KCNN2: variants seen among roughly 807,000 people sequenced by gnomAD.
KCNN2 encodes the protein small conductance calcium-activated potassium channel protein 2.
In KCNN2, 24 loss-of-function variants were observed where a neutral mutation model predicts 55.5. The ratio of observed to expected loss-of-function variants is 0.43; its 90% CI spans 0.31 to 0.61. KCNN2 has a LOEUF of 0.61. Ranked by LOEUF, KCNN2 falls within the 20% of genes least tolerant of loss-of-function variation. The probability of loss-of-function intolerance (pLI) is 0.08; values close to 1 mark genes in which losing one functional copy is unlikely to be tolerated. For missense variants in KCNN2, 754 were observed against 853.6 expected (o/e 0.88, Z 1.45); for synonymous variants, 431 against 336.1 (o/e 1.28, Z -3.09).
intron 2 of KCNN2, among the ~76,000 whole-genome samples, chr5:114,374,863 A>G (rs1757886017): frequency 6.6e-6 from 1 of 152,168 alleles, no homozygotes. Context: ...CTGATTATGT[A>G]GCTATCCGTA....
intron 1 of KCNN2, among the ~76,000 whole-genome samples, chr5:114,090,804 A>G (rs1025700196): frequency 6.6e-6 from 1 of 151,958 alleles, no homozygotes; most frequent in Non-Finnish European, 1.5e-5. Context: ...TTCTTCCAAT[A>G]CCAGTAGCCA....
At chr5:114,080,173 T>C (rs1402000838) in intron 1 of KCNN2, among the ~76,000 whole-genome samples, 1 of 152,206 alleles carries the variant, frequency 6.6e-6, no homozygotes, top group African/African-American at 2.4e-5. Context: ...ACTCTAAGCA[T>C]GAATATTCTA....
In KCNN2 at chr5:114,096,594, C is replaced by T. The variant is rs180903246; in HGVS notation, c.-271+40094C>T. 6.6e-5 allele frequency among the ~76,000 whole-genome samples: 10 copies of T among 152,232 alleles called. No individual in the cohort carries two copies. The East Asian group carries it at 1.9e-3, about 30-fold the overall frequency. Reference sequence around the variant, plus strand: ...GGCCTGGATTTGAAGTTCTTACTCACCTCCCACAGATGTGGGAAATCTCAC... The same window carrying T: ...GGCCTGGATTTGAAGTTCTTACTCATCTCCCACAGATGTGGGAAATCTCAC... On this transcript the variant is annotated intron_variant, in intron 1 of 10. Transcript: ENST00000512097.
At chr5:114,056,212 C>G (rs578097864) in exon 1 of KCNN2, 1 of 395,268 alleles carries the variant, frequency 2.5e-6, no homozygotes, top group African/African-American at 2.1e-5. Context: ...CGCCCGCGCC[C>G]GCGCCCCGGA....
intron 3 of KCNN2, among the ~76,000 whole-genome samples, chr5:114,422,481 C>G (rs1759499587): frequency 6.6e-6 from 1 of 152,112 alleles, no homozygotes; most frequent in South Asian, 2.1e-4. Flanking sequence ...GCCTTGAGAA[C>G]TGTGAGAAAT....
intron 2 of KCNN2, among the ~76,000 whole-genome samples, chr5:114,288,503 C>CGT (rs1755807279): frequency 1.3e-5 from 2 of 149,360 alleles, no homozygotes; most frequent in African/African-American, 5.0e-5. Context: ...TATATATACA[C>CGT]ACACACACAC....
intron 3 of KCNN2, among the ~76,000 whole-genome samples, chr5:114,461,188 A>G (rs1307372787): frequency 2.6e-5 from 4 of 152,152 alleles, no homozygotes; most frequent in Admixed American, 2.0e-4. Flanking sequence ...CTGATCACAT[A>G]GCATCTTCCT....
intron 1 of KCNN2, among the ~76,000 whole-genome samples, chr5:114,202,585 A>ATATTTTT (rs1430105677): frequency 7.6e-5 from 7 of 92,148 alleles, no homozygotes; most frequent in Admixed American, 1.6e-4. Flanking sequence ...ATATATATAT[A>ATATTTTT]TTTTTTTTTT....
intron 1 of KCNN2, among the ~76,000 whole-genome samples, chr5:114,095,849 C>T (rs1443564543): frequency 6.6e-6 from 1 of 152,008 alleles, no homozygotes; most frequent in East Asian, 1.9e-4. Flanking sequence ...TATGCACCTG[C>T]TGTATCCTTT....
At chr5:114,183,398 G>A (rs1388200545) in intron 1 of KCNN2, among the ~76,000 whole-genome samples, 2 of 151,950 alleles carry the variant, frequency 1.3e-5, no homozygotes, top group African/African-American at 4.8e-5. Flanking sequence ...CCACTTTCCT[G>A]TTTTATGAGA....
At chr5:114,174,572 G>C (rs1026028508) in intron 1 of KCNN2, among the ~76,000 whole-genome samples, 14 of 152,118 alleles carry the variant, frequency 9.2e-5, no homozygotes, top group African/African-American at 3.1e-4. Context: ...AATTTATTCT[G>C]TGTTGCATGT....
At position 114,122,389 on chromosome 5, in the gene KCNN2, G is replaced by T. The variant is rs1435437265; in HGVS notation, c.-271+65889G>T. Among the ~76,000 whole-genome samples, 3 of 152,256 alleles carry T rather than the reference G, an allele frequency of 2.0e-5. No homozygotes were observed. In the East Asian group the frequency reaches 5.8e-4, roughly 29 times the overall value. On this transcript the variant is annotated intron_variant, in intron 1 of 10. Coordinates refer to the KCNN2 transcript ENST00000512097. ...GGAAGAGATGGTGCTTTAACACTAA[G>T]AAGAATCTTCATATGCACTGATTGG...
At chr5:114,372,699 ATTAT>A (rs1757799374) in intron 2 of KCNN2, among the ~76,000 whole-genome samples, 1 of 152,084 alleles carries the variant, frequency 6.6e-6, no homozygotes. Context: ...AGTGATGACT[ATTAT>A]TTATGTTACC....
rs35534460 is a variant in KCNN2 at position 114,315,465 on chromosome 5, GTATATA to G, written c.-184-45473_-184-45468del. On this transcript the variant is annotated intron_variant, in intron 2 of 10. Coordinates refer to the KCNN2 transcript ENST00000512097. ...TGTGTGTGTGTGTGTGTGTGTGTGT[GTATATA>G]TATATAAAACTTCTGTTTTAAAAGT... is the stretch of plus-strand genomic sequence containing the variant. Among the ~76,000 whole-genome samples, 83 of 68,194 alleles carry G rather than the reference GTATATA, an allele frequency of 1.2e-3. No individual in the cohort carries two copies. In the East Asian group the frequency reaches 0.021, roughly 17 times the overall value. 44.7% of individuals were successfully genotyped at this position (68,194 alleles called of 152,430 possible).
intron 1 of KCNN2, among the ~76,000 whole-genome samples, chr5:114,127,409 C>T (rs748908613): frequency 3.9e-5 from 6 of 152,152 alleles, no homozygotes; most frequent in Non-Finnish European, 7.3e-5. Flanking sequence ...CTCAACAACA[C>T]GTGGAAGCTT....
chr5:114,153,834 C>T (rs572575973), intron 1 of KCNN2, among the ~76,000 whole-genome samples: 50 of 152,168 alleles, frequency 3.3e-4, no homozygotes, highest in Admixed American at 5.9e-4. Context: ...AAGAGATCCA[C>T]GGGAGTGAGG....
At chr5:114,166,539 C>G (rs1294292179) in intron 1 of KCNN2, among the ~76,000 whole-genome samples, 2 of 152,090 alleles carry the variant, frequency 1.3e-5, no homozygotes, top group East Asian at 3.9e-4. Flanking sequence ...TATTAGAGTG[C>G]TGAGGTCTAT....
At chr5:114,153,894 C>T (rs768981535) in intron 1 of KCNN2, among the ~76,000 whole-genome samples, 3 of 152,120 alleles carry the variant, frequency 2.0e-5, no homozygotes, top group Non-Finnish European at 4.4e-5. Context: ...TTTAGTTGGT[C>T]TTGTTTTCCT....
rs181749235 is a variant in KCNN2, at chr5:114,275,748, G to A, written c.-185+54183G>A. 1.0e-4 allele frequency among the ~76,000 whole-genome samples: 15 copies of A among 150,650 alleles called. No homozygotes were observed. The East Asian group carries it at 1.4e-3, about 14-fold the overall frequency. On this transcript the variant is annotated intron_variant, in intron 2 of 10. Transcript: ENST00000512097. ...TTTCTTCTTTATTAGTCTTCCTAGCGATCTATTTTGTTGATCTTTTCAAAA... is the reference window on the plus strand; with the variant it reads ...TTTCTTCTTTATTAGTCTTCCTAGCAATCTATTTTGTTGATCTTTTCAAAA...
Sources: allele counts gnomAD v4.1 joint callset (sites outside exome capture counted in the v4.1 genomes callset), GRCh38; gene constraint gnomAD v4.1.1; transcripts MANE v1.5; gene names NCBI Gene and HGNC (gene_info 2026-07-23, HGNC 2026-07-21).